Variants in SLC44A1 observed in about 807,000 individuals in gnomAD.
SLC44A1 encodes the protein choline transporter-like protein 1.
Under a neutral mutation model 79.3 loss-of-function variants are expected in SLC44A1, and 26 were observed. The ratio of observed to expected loss-of-function variants is 0.33; its 90% CI spans 0.24 to 0.46. The LOEUF is 0.46. Among genes scored for constraint, SLC44A1 ranks in the 20% least tolerant of loss-of-function variants. The pLI is 1.00. For missense variants in SLC44A1, 688 were observed against 798.1 expected, an observed-to-expected ratio of 0.86 and a Z score of 1.66; for synonymous variants, 263 against 286.2, an observed-to-expected ratio of 0.92 and a Z score of 0.82.
intron 15 of SLC44A1, among the ~76,000 whole-genome samples, chr9:105,417,316 G>C (rs1829184303): frequency 6.6e-6 from 1 of 152,202 alleles, no homozygotes; most frequent in Non-Finnish European, 1.5e-5. Context: ...TTTCACAACA[G>C]GGTAAGATGC....
intron 4 of SLC44A1, among the ~76,000 whole-genome samples, chr9:105,338,925 G>A (rs913705940): frequency 6.6e-6 from 1 of 152,154 alleles, no homozygotes; most frequent in Non-Finnish European, 1.5e-5. Flanking sequence ...TTTCAAATCA[G>A]TAAGAGGGGC....
At chr9:105,378,642 T>A (rs1196204489) in intron 13 of SLC44A1, among the ~76,000 whole-genome samples, 2 of 152,112 alleles carry the variant, frequency 1.3e-5, no homozygotes, top group African/African-American at 2.4e-5. Flanking sequence ...TTTTTTTAAT[T>A]GAGAAATTCA....
At chr9:105,332,182 C>T (rs1252545620) in intron 3 of SLC44A1, among the ~76,000 whole-genome samples, 12 of 141,754 alleles carry the variant, frequency 8.5e-5, no homozygotes, top group Non-Finnish European at 1.2e-4. Flanking sequence ...TGCGGTGGTG[C>T]GACCTCGGCT....
intron 15 of SLC44A1, among the ~76,000 whole-genome samples, chr9:105,433,398 C>T (rs1013606136): frequency 1.3e-5 from 2 of 152,030 alleles, no homozygotes; most frequent in Non-Finnish European, 2.9e-5. Flanking sequence ...AAGGGGATAG[C>T]CAAAAGGATA....
intron 4 of SLC44A1, among the ~76,000 whole-genome samples, chr9:105,342,372 A>T (rs1360673659): frequency 6.6e-6 from 1 of 152,192 alleles, no homozygotes; most frequent in East Asian, 1.9e-4. Flanking sequence ...TAGCCCTATC[A>T]GTTATCAGAT....
At chr9:105,407,638 G>A (rs964920059) in intron 15 of SLC44A1, among the ~76,000 whole-genome samples, 1 of 152,070 alleles carries the variant, frequency 6.6e-6, no homozygotes, top group Admixed American at 6.6e-5. Flanking sequence ...GGGAGGCTGA[G>A]GCAGGCGGAT....
At chr9:105,265,034 A>G (rs1829928620) in intron 1 of SLC44A1, among the ~76,000 whole-genome samples, 1 of 152,028 alleles carries the variant, frequency 6.6e-6, no homozygotes, top group Non-Finnish European at 1.5e-5. Flanking sequence ...GACCTCAGAC[A>G]ATCTGCCCAC....
chr9:105,323,901 G>A (rs1428851465), intron 3 of SLC44A1, among the ~76,000 whole-genome samples: 1 of 152,176 alleles, frequency 6.6e-6, no homozygotes. Context: ...ATGGTCTTCT[G>A]TCCTTCCATC....
At position 105,309,850 on chromosome 9, in the gene SLC44A1, G is replaced by T; in HGVS notation, c.253G>T (p.Asp85Tyr). The T allele has an allele frequency of 6.2e-7, 1 of 1,613,644 alleles. No individual in the cohort carries two copies. The highest frequency in any genetic ancestry group is 1.3e-5 in the African/African-American group (1 of 75,036). ...KLEAIPNSGMDHTQRKYVFFL... is the reference protein window; with the variant it reads ...KLEAIPNSGMYHTQRKYVFFL... ...GGAAGCAATACCAAACAGTGGCATG[G>T]ACCACACCCAGCGGAAGTGAGTAGA... Residue 85 changes from aspartate (D) to tyrosine (Y), a missense_variant, in exon 3 of 16, where the codon GAC (aspartate) becomes TAC (tyrosine). Physicochemically the swap from Asp to Tyr is radical, Grantham distance 160 (BLOSUM62 -3). Coordinates refer to ENST00000374720, the MANE Select transcript of SLC44A1 (RefSeq NM_080546.5).
chr9:105,265,192 A>G (rs1379683875), intron 1 of SLC44A1, among the ~76,000 whole-genome samples: 2 of 152,110 alleles, frequency 1.3e-5, no homozygotes, highest in African/African-American at 4.8e-5. Context: ...TTTTTGTTCT[A>G]CAGTTGTATG....
In SLC44A1 at chr9:105,385,409, C is replaced by T; in HGVS notation, c.1870-13C>T. 6.4e-7 allele frequency: 1 copy of T among 1,551,944 alleles called. No homozygotes were observed. The highest frequency in any genetic ancestry group is 1.9e-5 in the Admixed American group (1 of 52,988). On this transcript the variant is annotated splice_polypyrimidine_tract_variant and intron_variant, in intron 14 of 15. Coordinates refer to ENST00000374720, the MANE Select transcript of SLC44A1 (RefSeq NM_080546.5). The stretch of plus-strand genomic sequence containing the variant: ...GACCCAAGAATTTATTCAATATGGT[C>T]CATATTTTGCAGGAGTTTGTGGAAA...
At chr9:105,308,857 T>C (rs1054430987) in intron 2 of SLC44A1, among the ~76,000 whole-genome samples, 4 of 152,230 alleles carry the variant, frequency 2.6e-5, no homozygotes, top group African/African-American at 9.6e-5. Flanking sequence ...CAGTAGTGAT[T>C]CACTTTCTGT....
chr9:105,280,673 C>T (rs1476611906), intron 1 of SLC44A1, among the ~76,000 whole-genome samples: 1 of 152,068 alleles, frequency 6.6e-6, no homozygotes, highest in Non-Finnish European at 1.5e-5. Flanking sequence ...GTTGATTTGG[C>T]TGTACAAAAA....
At chr9:105,325,179 G>T (rs976806742) in intron 3 of SLC44A1, among the ~76,000 whole-genome samples, 1 of 152,186 alleles carries the variant, frequency 6.6e-6, no homozygotes, top group South Asian at 2.1e-4. Flanking sequence ...CCATTAAAAG[G>T]AATGAAGTGC....
At chr9:105,412,433 A>G (rs906316807) in intron 15 of SLC44A1, among the ~76,000 whole-genome samples, 13 of 152,130 alleles carry the variant, frequency 8.5e-5, no homozygotes, top group East Asian at 1.9e-4. Flanking sequence ...AGCTCATCTT[A>G]TGCTTTCCTG....
chr9:105,260,689 A>G (rs1248562570), intron 1 of SLC44A1, among the ~76,000 whole-genome samples: 1 of 152,214 alleles, frequency 6.6e-6, no homozygotes, highest in Non-Finnish European at 1.5e-5. Flanking sequence ...ATGATTGACA[A>G]AAGAATCCTT....
At position 105,362,995 on chromosome 9, in the gene SLC44A1, C is replaced by A; in HGVS notation, c.1075C>A (p.Leu359Ile). 2 of 1,605,866 alleles carry A rather than the reference C, an allele frequency of 1.2e-6. No individual in the cohort carries two copies. The highest frequency in any genetic ancestry group is 1.7e-6 in the Non-Finnish European group (2 of 1,176,802). The change falls in exon 9 of 16, where the codon CTT becomes ATT. Residue 359 changes from leucine to isoleucine, a missense_variant. Transcript: ENST00000374720. ...WVYWIMTLLF[L>I]GTTGSPVQNE... ...GTACTGGATCATGACACTTCTTTTT[C>A]TTGGCACTACCGGTAAGAAGATAAG...
At chr9:105,269,058 C>A (rs1830023778) in intron 1 of SLC44A1, among the ~76,000 whole-genome samples, 2 of 152,248 alleles carry the variant, frequency 1.3e-5, no homozygotes, top group South Asian at 4.2e-4. Flanking sequence ...TTTTGCCCAG[C>A]TTTATAGACT....
At chr9:105,273,724 C>A (rs1348318711) in intron 1 of SLC44A1, among the ~76,000 whole-genome samples, 2 of 151,956 alleles carry the variant, frequency 1.3e-5, no homozygotes, top group Non-Finnish European at 2.9e-5. Flanking sequence ...CAGTTCATAC[C>A]ATTGTACATA....
Sources: allele counts gnomAD v4.1 joint callset (sites outside exome capture counted in the v4.1 genomes callset), GRCh38; gene constraint gnomAD v4.1.1; transcripts MANE v1.5; gene names NCBI Gene and HGNC (gene_info 2026-07-23, HGNC 2026-07-21).